Variants in AKR1C4 observed in about 807,000 individuals in gnomAD.
AKR1C4 encodes the protein 3-alpha-HSD1.
A neutral mutation model predicts 41.0 loss-of-function variants in AKR1C4; 44 were observed. The observed-to-expected ratio is 1.07, with a 90% confidence interval of 0.84 to 1.38. The LOEUF (loss-of-function observed/expected upper bound fraction) is 1.38, where lower values mean the gene tolerates loss of function less well. Among genes scored for constraint, AKR1C4 ranks in the 40% most tolerant of loss-of-function variants. The pLI, the probability that AKR1C4 is intolerant of heterozygous loss-of-function variation, is 0.00. For missense variants in AKR1C4, 438 were observed against 387.9 expected (o/e 1.13, Z -1.09); for synonymous variants, 165 against 137.7 (o/e 1.20, Z -1.39).
intron 7 of AKR1C4, among the ~76,000 whole-genome samples, chr10:5,214,375 T>A (rs56068105): frequency 0.78 from 118,818 of 151,604 alleles, 47,040 homozygotes; most frequent in East Asian, 0.9. Flanking sequence ...ACTTAGTCTC[T>A]TATATAATAA....
chr10:5,216,268 CA>C (rs2132141779), intron 7 of AKR1C4, among the ~76,000 whole-genome samples: 1 of 152,328 alleles, frequency 6.6e-6, no homozygotes, highest in African/African-American at 2.4e-5. Context: ...GGGATGCCCC[CA>C]GGGCACAAAC....
At chr10:5,208,596 T>A (rs1554797694) in intron 5 of AKR1C4, among the ~76,000 whole-genome samples, 1 of 151,570 alleles carries the variant, frequency 6.6e-6, no homozygotes, top group Non-Finnish European at 1.5e-5. Flanking sequence ...ACAATTCACC[T>A]CTACAGACCT....
intron 5 of AKR1C4, among the ~76,000 whole-genome samples, chr10:5,206,626 G>C (rs1483916564): frequency 1.3e-5 from 2 of 152,240 alleles, no homozygotes; most frequent in African/African-American, 4.8e-5. Context: ...ACTATTTTTG[G>C]GGGAGGTGAA....
intron 2 of AKR1C4, among the ~76,000 whole-genome samples, chr10:5,203,580 G>GT (rs1564401151): frequency 6.6e-6 from 1 of 152,196 alleles, no homozygotes; most frequent in Non-Finnish European, 1.5e-5. Context: ...GGCACTTACA[G>GT]TTTTTCATCT....
At chr10:5,202,592 G>T in intron 2 of AKR1C4, 1 of 342,030 alleles carries the variant, frequency 2.9e-6, no homozygotes, top group Non-Finnish European at 5.9e-6. Flanking sequence ...CCAGTTTTCA[G>T]GGGAATGCTT....
intron 4 of AKR1C4, 50 bp from the exon 5 acceptor site, chr10:5,206,225 A>G: frequency 1.2e-6 from 2 of 1,612,738 alleles, no homozygotes; most frequent in Non-Finnish European, 1.7e-6. Context: ...CATTTATCAT[A>G]ATCTGCAGCC....
At chr10:5,212,316 T>G (rs911620330) in intron 5 of AKR1C4, among the ~76,000 whole-genome samples, 2 of 152,186 alleles carry the variant, frequency 1.3e-5, no homozygotes, top group Admixed American at 6.5e-5. Context: ...CTGGCACAAT[T>G]TGATGTTCAA....
chr10:5,210,768 C>T (rs7477230), intron 5 of AKR1C4, among the ~76,000 whole-genome samples: 17,193 of 152,162 alleles, frequency 0.11, 1,193 homozygotes, highest in Admixed American at 0.17. Context: ...CGTGCCACCA[C>T]ACCTGGCTAA....
At position 5,207,266 on chromosome 10, in the gene AKR1C4, C is replaced by T; in HGVS notation, c.570+869C>T. On this transcript the variant is annotated intron_variant, in intron 5 of 8. Coordinates refer to ENST00000263126, the MANE Select transcript of AKR1C4 (RefSeq NM_001818.5). Reference sequence around the variant, plus strand: ...TGGTGTTTGAACTGTGCTAGAAGAACTGTTTTATACAGGCTGCTATTCAAT... The same window carrying T: ...TGGTGTTTGAACTGTGCTAGAAGAATTGTTTTATACAGGCTGCTATTCAAT... The T allele has an allele frequency of 1.4e-5, 3 of 215,652 alleles. No individual in the cohort carries two copies. In the South Asian group the frequency reaches 2.4e-4, roughly 17 times the overall value. The allele number at this position is 215,652 out of a possible 1,614,324, so 13.4% of individuals were successfully genotyped here.
intron 5 of AKR1C4, chr10:5,207,635 C>T (rs1832510031): frequency 2.6e-6 from 3 of 1,164,800 alleles, no homozygotes; most frequent in South Asian, 1.2e-5. Flanking sequence ...TCATCAACTC[C>T]TTGGCATTTG....
At chr10:5,211,737 C>T (rs1554797940) in intron 5 of AKR1C4, among the ~76,000 whole-genome samples, 1 of 152,128 alleles carries the variant, frequency 6.6e-6, no homozygotes, top group Non-Finnish European at 1.5e-5. Context: ...CCCCACTCTA[C>T]CATATTAGTC....
chr10:5,203,851 T>C (rs1248936359), intron 2 of AKR1C4, among the ~76,000 whole-genome samples: 3 of 152,234 alleles, frequency 2.0e-5, no homozygotes, highest in African/African-American at 7.2e-5. Flanking sequence ...GTTTTTCTTA[T>C]GTCTGGGATG....
At chr10:5,212,179 T>C (rs1832585667) in intron 5 of AKR1C4, among the ~76,000 whole-genome samples, 1 of 152,222 alleles carries the variant, frequency 6.6e-6, no homozygotes, top group Non-Finnish European at 1.5e-5. Context: ...TTGCTATAAT[T>C]TGTAATTCAT....
chr10:5,203,896 TC>T (rs1454242073), intron 2 of AKR1C4, among the ~76,000 whole-genome samples: 7 of 152,176 alleles, frequency 4.6e-5, no homozygotes, highest in African/African-American at 1.7e-4. Flanking sequence ...ATCTCAATTG[TC>T]CTTTTCAGTG....
chr10:5,200,267 TGAG>T lies in AKR1C4; in HGVS notation c.175_177del (p.Glu59del), dbSNP rs1832378390. 2 of 1,614,178 alleles carry T rather than the reference TGAG, an allele frequency of 1.2e-6. No individual in the cohort carries two copies. Among genetic ancestry groups the T allele is most frequent in the East Asian group, 4.5e-5 (2 of 44,878 alleles). Reference sequence around the variant, plus strand: ...TTGATTCTGCTTATTTATACAATAATGAGGAGCAGGTTGGACTGGCCATCCGAA... The same window carrying T: ...TTGATTCTGCTTATTTATACAATAATGAGCAGGTTGGACTGGCCATCCGAA... On this transcript the variant is annotated inframe_deletion, in exon 2 of 9. Transcript: ENST00000263126.
At chr10:5,200,061 G>T in intron 1 of AKR1C4, 120 bp from the exon 2 acceptor site, 1 of 1,290,868 alleles carries the variant, frequency 7.7e-7, no homozygotes, top group East Asian at 2.4e-5. Flanking sequence ...TGAGCAGCGG[G>T]GGCCTGAAGA....
At chr10:5,200,159 C>T in intron 1 of AKR1C4, 22 bp from the exon 2 acceptor site, 1 of 1,602,476 alleles carries the variant, frequency 6.2e-7, no homozygotes, top group Non-Finnish European at 8.5e-7. Context: ...TCACCAAATA[C>T]TACCTTTCGT....
intron 3 of AKR1C4, chr10:5,204,709 T>C: frequency 1.5e-6 from 1 of 672,280 alleles, no homozygotes; most frequent in Non-Finnish European, 2.7e-6. Context: ...AGCCTCTGAT[T>C]CAAAAATTCA....
chr10:5,198,002 C>G (rs377437616), intron 1 of AKR1C4, among the ~76,000 whole-genome samples: 12 of 151,988 alleles, frequency 7.9e-5, no homozygotes, highest in African/African-American at 2.9e-4. Flanking sequence ...TTCAGAAAAG[C>G]TTATATTAAA....
Sources: gnomAD v4.1 joint callset for allele counts (sites outside exome capture counted in the v4.1 genomes callset) on GRCh38, gnomAD v4.1.1 for gene constraint, MANE v1.5 for transcripts, NCBI Gene and HGNC (gene_info 2026-07-23, HGNC 2026-07-21) for gene names.